The following SEL1L variants were observed in gnomAD, a reference collection of about 807,000 sequenced individuals.
The protein encoded by SEL1L is SEL1L adaptor subunit of SYVN1 ubiquitin ligase.
Under a neutral mutation model 109.8 loss-of-function variants are expected in SEL1L, and 52 were observed. The observed-to-expected ratio is 0.47, with a 90% CI of 0.38 to 0.60. The LOEUF is 0.60. Ranked by LOEUF, SEL1L falls within the 20% of genes least tolerant of loss-of-function variation. SEL1L has a pLI of 0.00. For synonymous variants in SEL1L, 373 were observed against 339.6 expected, an observed-to-expected ratio of 1.10 and a Z score of -1.08; for missense variants, 749 against 962.2, an observed-to-expected ratio of 0.78 and a Z score of 2.93.
At chr14:81,528,436 C>G (rs538163082) in intron 1 of SEL1L, among the ~76,000 whole-genome samples, 1 of 152,066 alleles carries the variant, frequency 6.6e-6, no homozygotes. Context: ...ATTCACACAG[C>G]CTGCTTTGGT....
At chr14:81,497,292 T>C (rs1045521015) in intron 10 of SEL1L, among the ~76,000 whole-genome samples, 3 of 152,294 alleles carry the variant, frequency 2.0e-5, no homozygotes, top group East Asian at 1.9e-4. Flanking sequence ...TTAGAAATAA[T>C]TGCAAACTTA....
At chr14:81,519,390 C>T (rs904805097) in intron 3 of SEL1L, among the ~76,000 whole-genome samples, 18 of 152,312 alleles carry the variant, frequency 1.2e-4, no homozygotes, top group African/African-American at 2.9e-4. Context: ...CACTTCCTAC[C>T]AAATTACTGC....
intron 6 of SEL1L, 56 bp from the exon 7 acceptor site, chr14:81,499,718 A>C: frequency 7.6e-7 from 1 of 1,315,274 alleles, no homozygotes; most frequent in Non-Finnish European, 1.1e-6. Flanking sequence ...TATCCAAGAC[A>C]GACACAGACA....
At chr14:81,530,124 C>T (rs1227602483) in intron 1 of SEL1L, among the ~76,000 whole-genome samples, 1 of 152,208 alleles carries the variant, frequency 6.6e-6, no homozygotes. Flanking sequence ...AAAGTGATCA[C>T]TACAAAATCA....
chr14:81,502,919 T>A (rs890333346), intron 5 of SEL1L, 36 bp from the exon 6 acceptor site: 3 of 1,545,664 alleles, frequency 1.9e-6, no homozygotes, highest in South Asian at 2.5e-5. Flanking sequence ...AAATTAGTAA[T>A]GTTTTGAAAC....
chr14:81,477,032 T>C lies in SEL1L; in HGVS notation c.2325A>G (p.Pro775=). The C allele has an allele frequency of 6.2e-7, 1 of 1,614,190 alleles. No individual in the cohort carries two copies. The highest frequency in any genetic ancestry group is 8.5e-7 in the Non-Finnish European group (1 of 1,180,040). ...QHQDMPAPRP[P]GPRPAPPQQE... ...GCTGGGGTGGAGCTGGCCGTGGCCC[T>C]GGAGGCCTGGGTGCAGGCATGTCTT... Residue 775 remains proline (P), a synonymous_variant, in exon 21 of 21, where the codon CCA becomes CCG. Coordinates refer to ENST00000336735, the MANE Select transcript of SEL1L (RefSeq NM_005065.6).
intron 3 of SEL1L, among the ~76,000 whole-genome samples, chr14:81,515,019 A>C (rs1884643381): frequency 6.6e-6 from 1 of 152,212 alleles, no homozygotes; most frequent in Admixed American, 6.5e-5. Context: ...CTTACAATTT[A>C]CATCCCACAG....
chr14:81,530,330 C>T (rs906625269), intron 1 of SEL1L, among the ~76,000 whole-genome samples: 2 of 152,198 alleles, frequency 1.3e-5, no homozygotes, highest in African/African-American at 4.8e-5. Flanking sequence ...GGCTTCATCA[C>T]ATGTTAATTC....
chr14:81,494,902 AG>A (rs1473208251), intron 11 of SEL1L, among the ~76,000 whole-genome samples, 178 bp downstream of exon 11: 3 of 152,360 alleles, frequency 2.0e-5, no homozygotes, highest in South Asian at 2.1e-4. Context: ...GGCACATAGT[AG>A]GTACTAATAT....
At chr14:81,527,645 A>C in intron 2 of SEL1L, 56 bp downstream of exon 2, 1 of 1,299,152 alleles carries the variant, frequency 7.7e-7, no homozygotes, top group Non-Finnish European at 1.1e-6. Flanking sequence ...AAGATACATA[A>C]TTCATCCTTT....
In SEL1L at chr14:81,499,491, G is replaced by C; in HGVS notation, c.859C>G (p.Leu287Val). ...ATGTGGGCTATTAGATTGCCCCCAA[G>C]AGCTCCAAATGTATAATATACAAGA... is the stretch of plus-strand genomic sequence containing the variant. ...KALVYYTFGA[L>V]GGNLIAHMVL... is the part of the protein sequence containing the mutation. The change falls in exon 8 of 21, where the codon CTT becomes GTT. Residue 287 changes from leucine (L) to valine (V), a missense_variant. By Grantham distance (32) the Leu-to-Val change is conservative. Transcript: ENST00000336735. 1 of 1,612,460 alleles carries C rather than the reference G, an allele frequency of 6.2e-7. No homozygotes were observed. The highest frequency in any genetic ancestry group is 2.2e-5 in the East Asian group (1 of 44,800).
intron 14 of SEL1L, among the ~76,000 whole-genome samples, chr14:81,488,367 T>C (rs1404912492): frequency 2.0e-5 from 3 of 152,218 alleles, no homozygotes; most frequent in Non-Finnish European, 4.4e-5. Context: ...AAAGGTCATA[T>C]GTATCCAAGA....
intron 1 of SEL1L, 31 bp from the exon 2 acceptor site, chr14:81,527,769 T>C: frequency 2.0e-6 from 3 of 1,514,100 alleles, no homozygotes; most frequent in South Asian, 2.4e-5. Context: ...AATTTAGTAA[T>C]CTTTCTTGTT....
intron 3 of SEL1L, among the ~76,000 whole-genome samples, chr14:81,524,788 C>T (rs1885051184): frequency 6.6e-6 from 1 of 152,076 alleles, no homozygotes; most frequent in African/African-American, 2.4e-5. Context: ...GCAGGAGAAT[C>T]TCTTGAACCC....
At chr14:81,501,336 A>G (rs974662226) in intron 6 of SEL1L, among the ~76,000 whole-genome samples, 3 of 152,174 alleles carry the variant, frequency 2.0e-5, no homozygotes, top group African/African-American at 4.8e-5. Context: ...TGCAACATAT[A>G]AAGTGCTGTG....
intron 1 of SEL1L, among the ~76,000 whole-genome samples, chr14:81,530,963 A>G (rs192377397): frequency 7.2e-5 from 11 of 152,322 alleles, no homozygotes; most frequent in African/African-American, 2.2e-4. Flanking sequence ...GAAAAGCTAC[A>G]GTGAAAATAT....
intron 10 of SEL1L, among the ~76,000 whole-genome samples, chr14:81,495,431 T>C (rs892997687): frequency 6.6e-5 from 10 of 151,408 alleles, no homozygotes; most frequent in Non-Finnish European, 1.3e-4. Context: ...AGCCCAGGAG[T>C]TGAAGAACAA....
chr14:81,477,428 A>G (rs1422075463), intron 20 of SEL1L, among the ~76,000 whole-genome samples: 1 of 151,972 alleles, frequency 6.6e-6, no homozygotes, highest in East Asian at 1.9e-4. Context: ...ACTTAATATA[A>G]AATGTCTGAC....
In SEL1L at chr14:81,502,696, G is replaced by T. The variant is rs962123330; in HGVS notation, c.777+25C>A. The T allele has an allele frequency of 2.5e-6, 4 of 1,608,870 alleles. No homozygotes were observed. The African/African-American group carries it at 5.4e-5, about 22-fold the overall frequency. ...AACTAACAAGTGTTACATGCAGAGA[G>T]ATTCTTCACTGAGAATGTACTTACA... On this transcript the variant is annotated intron_variant, in intron 6 of 20. Coordinates refer to ENST00000336735, the MANE Select transcript of SEL1L (RefSeq NM_005065.6).
Sources: gnomAD v4.1 joint callset for allele counts (sites outside exome capture counted in the v4.1 genomes callset) on GRCh38, gnomAD v4.1.1 for gene constraint, MANE v1.5 for transcripts, NCBI Gene and HGNC (gene_info 2026-07-23, HGNC 2026-07-21) for gene names.